ATRN: variants seen among roughly 807,000 people sequenced by gnomAD.
ATRN encodes the protein attractin.
In ATRN, 54 loss-of-function variants were observed where a neutral mutation model predicts 178.7. The ratio of observed to expected loss-of-function variants is 0.30; its 90% CI spans 0.24 to 0.38. The LOEUF is 0.38. Among genes scored for constraint, ATRN ranks in the 10% least tolerant of loss-of-function variants. ATRN has a pLI of 1.00. For synonymous variants in ATRN, 636 were observed against 663.0 expected, an observed-to-expected ratio of 0.96 and a Z score of 0.63; for missense variants, 1,443 against 1,815.1, an observed-to-expected ratio of 0.79 and a Z score of 3.73.
chr20:3,576,757 T>C, intron 13 of ATRN, 102 bp from the exon 14 acceptor site: 1 of 1,057,772 alleles, frequency 9.5e-7, no homozygotes, highest in East Asian at 3.1e-5. Flanking sequence ...ATTTGCAGTT[T>C]GCTTCCTCAA....
rs913239418 is a variant in ATRN, at chr20:3,598,129, A to G, written c.3564+129A>G. 28 of 609,476 alleles carry G rather than the reference A, an allele frequency of 4.6e-5. 1 individual carries two copies. The highest frequency in any genetic ancestry group is 7.3e-5 in the Non-Finnish European group (25 of 340,782). The allele number at this position is 609,476 out of a possible 1,614,324, so 37.8% of individuals were successfully genotyped here. A position where few individuals can be genotyped will look rare whatever the true frequency, so the allele number is the denominator to read the frequency against. ...AGTACACGAGATGATCTCTAGAGGTATAGGAAAGAAATGTTAGACTCTACG... is the reference window on the plus strand; with the variant it reads ...AGTACACGAGATGATCTCTAGAGGTGTAGGAAAGAAATGTTAGACTCTACG... On this transcript the variant is annotated intron_variant, in intron 22 of 28. Coordinates refer to ENST00000262919, the MANE Select transcript of ATRN (RefSeq NM_139321.3).
intron 1 of ATRN, among the ~76,000 whole-genome samples, chr20:3,496,931 CT>C (rs1187537778): frequency 6.6e-6 from 1 of 151,070 alleles, no homozygotes; most frequent in African/African-American, 2.4e-5. Context: ...TTCTTTGTCT[CT>C]TTTGATCTTT....
At chr20:3,599,362 G>A (rs1305448335) in intron 22 of ATRN, among the ~76,000 whole-genome samples, 1 of 152,132 alleles carries the variant, frequency 6.6e-6, no homozygotes, top group Non-Finnish European at 1.5e-5. Context: ...TAGAATCTTT[G>A]TAATACTTCT....
chr20:3,474,624 G>A (rs544965653), intron 1 of ATRN, among the ~76,000 whole-genome samples: 3 of 148,128 alleles, frequency 2.0e-5, no homozygotes, highest in East Asian at 2.0e-4. Context: ...GGAGAATGGC[G>A]TGAACCCGGG....
intron 1 of ATRN, among the ~76,000 whole-genome samples, chr20:3,485,899 C>T (rs1600010987): frequency 6.6e-6 from 1 of 151,996 alleles, no homozygotes; most frequent in East Asian, 1.9e-4. Flanking sequence ...GGATTACAGG[C>T]ATAAGCCACC....
intron 24 of ATRN, among the ~76,000 whole-genome samples, chr20:3,605,865 A>C (rs1401617347): frequency 6.6e-6 from 1 of 152,202 alleles, no homozygotes; most frequent in African/African-American, 2.4e-5. Flanking sequence ...TTACCTATGT[A>C]ACAAACCTAT....
chr20:3,624,611 T>G lies in ATRN; in HGVS notation c.3863+39T>G, dbSNP rs373371230. ...TACAGACTCTCTCTGTTCTTTTGAT[T>G]TAGGCACTAGATCCATTAATAGAGT... On this transcript the variant is annotated intron_variant, in intron 25 of 28. Transcript: ENST00000262919. The G allele has an allele frequency of 3.1e-5, 45 of 1,471,736 alleles. No individual in the cohort carries two copies. In the African/African-American group the frequency reaches 5.4e-4, roughly 18 times the overall value. 91.2% of individuals were successfully genotyped at this position (1,471,736 alleles called of 1,614,324 possible). A position where few individuals can be genotyped will look rare whatever the true frequency, so the allele number is the denominator to read the frequency against.
intron 24 of ATRN, among the ~76,000 whole-genome samples, chr20:3,606,253 G>A (rs2086675591): frequency 6.6e-6 from 1 of 152,118 alleles, no homozygotes; most frequent in African/African-American, 2.4e-5. Context: ...TGTCATAGTG[G>A]GCCCCAGTGA....
chr20:3,614,834 T>C (rs1468084887), intron 24 of ATRN, among the ~76,000 whole-genome samples: 2 of 152,172 alleles, frequency 1.3e-5, no homozygotes, highest in Non-Finnish European at 2.9e-5. Context: ...GTATTTCCTG[T>C]CTCTGTGGAT....
intron 1 of ATRN, among the ~76,000 whole-genome samples, chr20:3,483,789 A>G (rs144655450): frequency 1.2e-3 from 179 of 151,936 alleles, no homozygotes; most frequent in African/African-American, 4.0e-3. Context: ...CAGTTGACAC[A>G]TATTATTTTT....
chr20:3,588,966 G>A (rs186391489), intron 18 of ATRN, among the ~76,000 whole-genome samples: 306 of 130,834 alleles, frequency 2.3e-3, no homozygotes, highest in African/African-American at 8.3e-3. Context: ...CATACAGTTC[G>A]TAGTATTTTC....
At position 3,562,792 on chromosome 20, in the gene ATRN, T is replaced by G. The variant is rs535264255; in HGVS notation, c.1631+333T>G. 8.5e-5 allele frequency among the ~76,000 whole-genome samples: 13 copies of G among 152,310 alleles called. No individual in the cohort carries two copies. The East Asian group carries it at 1.9e-3, about 23-fold the overall frequency. ...TTGATACCTTGCTATGGGTACTGTT[T>G]TATATTCTGTCATAAAAATAATCAT... is the stretch of plus-strand genomic sequence containing the variant. On this transcript the variant is annotated intron_variant, in intron 9 of 28. Coordinates refer to ENST00000262919, the MANE Select transcript of ATRN (RefSeq NM_139321.3).
chr20:3,599,109 C>T (rs1324770482), intron 22 of ATRN, among the ~76,000 whole-genome samples: 1 of 151,846 alleles, frequency 6.6e-6, no homozygotes, highest in Admixed American at 6.6e-5. Flanking sequence ...AAGTAAATTG[C>T]TTTTTAAGTA....
intron 1 of ATRN, among the ~76,000 whole-genome samples, chr20:3,505,434 C>T (rs1038224860): frequency 8.5e-5 from 13 of 152,338 alleles, no homozygotes; most frequent in African/African-American, 2.9e-4. Flanking sequence ...CTGCAGCTTG[C>T]AGATAGCCTG....
At chr20:3,629,046 GTT>G in intron 25 of ATRN, 1 of 985,162 alleles carries the variant, frequency 1.0e-6, no homozygotes, top group Non-Finnish European at 1.2e-6. Flanking sequence ...GGCTCTGCTG[GTT>G]CCAAGCCACT....
At chr20:3,582,087 A>G (rs1387996211) in intron 15 of ATRN, 48 bp from the exon 16 acceptor site, 1 of 1,529,406 alleles carries the variant, frequency 6.5e-7, no homozygotes, top group South Asian at 1.1e-5. Context: ...AATTTAAATT[A>G]AAAAAAGATA....
chr20:3,651,047 A>T lies in ATRN; in HGVS notation c.*4200A>T, dbSNP rs1182603242. ...GTGCATTTTAAACACAAATGTGAAG[A>T]ACTTGTATATAAACAAAAGTAAATA... On this transcript the variant is annotated 3_prime_UTR_variant, in exon 29 of 29. Transcript: ENST00000262919. 4 of 152,688 alleles carry T rather than the reference A, an allele frequency of 2.6e-5. No individual in the cohort carries two copies. The highest frequency in any genetic ancestry group is 5.9e-5 in the Non-Finnish European group (4 of 68,052). 9.5% of individuals were successfully genotyped at this position (152,688 alleles called of 1,614,324 possible).
chr20:3,567,560 A>G (rs1228282706), intron 11 of ATRN, among the ~76,000 whole-genome samples: 1 of 152,180 alleles, frequency 6.6e-6, no homozygotes, highest in East Asian at 1.9e-4. Flanking sequence ...AGGATTGGGT[A>G]GGTGGCAGGA....
At chr20:3,562,155 T>C (rs1212860967) in intron 8 of ATRN, 121 bp from the exon 9 acceptor site, 1 of 810,040 alleles carries the variant, frequency 1.2e-6, no homozygotes. Flanking sequence ...AATATAAAGA[T>C]AAAAAAGTAT....
Sources: gnomAD v4.1 joint callset for allele counts (sites outside exome capture counted in the v4.1 genomes callset) on GRCh38, gnomAD v4.1.1 for gene constraint, MANE v1.5 for transcripts, NCBI Gene and HGNC (gene_info 2026-07-23, HGNC 2026-07-21) for gene names.